CCDC78: variants seen among roughly 807,000 people sequenced by gnomAD.
The protein encoded by CCDC78 is coiled-coil domain-containing protein 78.
Under a neutral mutation model 61.9 loss-of-function variants are expected in CCDC78, and 78 were observed. The ratio of observed to expected loss-of-function variants is 1.26; its 90% CI spans 1.05 to 1.52. The LOEUF is 1.52. CCDC78 is among the 40% of genes most tolerant of loss of function. The pLI, the probability that CCDC78 is intolerant of heterozygous loss-of-function variation, is 0.00. For missense variants in CCDC78, 737 were observed against 615.5 expected (o/e 1.20, Z -2.09); for synonymous variants, 287 against 251.9 (o/e 1.14, Z -1.32).
In CCDC78 at chr16:724,729, C is replaced by T. The variant is rs768081009; in HGVS notation, c.717G>A (p.Leu239=). 3 of 1,612,210 alleles carry T rather than the reference C, an allele frequency of 1.9e-6. No individual in the cohort carries two copies. Among genetic ancestry groups the T allele is most frequent in the South Asian group, 2.2e-5 (2 of 90,972 alleles). Residue 239 remains leucine, a synonymous_variant, in exon 8 of 14, where the codon CTG becomes CTA. Transcript: ENST00000345165. ...GCAGCCGTAGGACGTACTCATCCTT[C>T]AGTTTCTTGAGCTGCAGCTGCAGCC... The part of the protein sequence containing the change: ...NARLQLQLKK[L]KDEYVLRLQH...
Position 726,337 on chromosome 16 carries a change from G to T in CCDC78, c.31C>A (p.Pro11Thr). The T allele has an allele frequency of 6.5e-7, 1 of 1,545,702 alleles. No homozygotes were observed. The highest frequency in any genetic ancestry group is 8.7e-7 in the Non-Finnish European group (1 of 1,146,230). MEHAATTGPR[P>T]GPPSRRVENV... ...TCCACCCGCCGAGAGGGAGGTCCAG[G>T]CCTGGGGCCTGTGGTGGCTGCGTGC... Residue 11 changes from proline (P) to threonine (T), a missense_variant, in exon 1 of 14, where the codon CCT becomes ACT. By Grantham distance (38) the Pro-to-Thr change is conservative. Transcript: ENST00000345165.
intron 13 of CCDC78, 66 bp from the exon 14 acceptor site, chr16:722,855 G>A (rs1596596266): frequency 3.7e-6 from 6 of 1,607,956 alleles, no homozygotes; most frequent in Non-Finnish European, 2.6e-6. Context: ...TAGCGCCTGA[G>A]GCAGCCATCA....
intron 12 of CCDC78, 25 bp downstream of exon 12, chr16:723,070 G>A (rs771595541): frequency 5.0e-6 from 8 of 1,612,686 alleles, no homozygotes; most frequent in Non-Finnish European, 6.8e-6. Flanking sequence ...GTGAGGATGG[G>A]CCTGGGCCAG....
chr16:723,449 A>C, intron 11 of CCDC78: 3 of 687,660 alleles, frequency 4.4e-6, no homozygotes. Context: ...CCACCCCCAC[A>C]CGGGTGTGCC....
Position 724,824 on chromosome 16 carries a change from C to T in CCDC78, c.640-18G>A, listed in dbSNP as rs202215823. 2.5e-6 allele frequency: 4 copies of T among 1,611,454 alleles called. No individual in the cohort carries two copies. In the African/African-American group the frequency reaches 5.3e-5, roughly 21 times the overall value. On this transcript the variant is annotated intron_variant, in intron 7 of 13. Transcript: ENST00000345165. ...CACAGCACCTGGGGTGGAAGCAGCC[C>T]TCCACCTGTGCCCTGAGAGTGGACC...
rs561007719 is a variant in CCDC78 at position 725,073 on chromosome 16, C to T, written c.560+5G>A. On this transcript the variant is annotated splice_donor_5th_base_variant and intron_variant, in intron 6 of 13. Transcript: ENST00000345165. ...GATGGGGCCCCAGGTGAGATGGCCACTCACACACGCGTCACCAGTGCCTGC... is the reference window on the plus strand; with the variant it reads ...GATGGGGCCCCAGGTGAGATGGCCATTCACACACGCGTCACCAGTGCCTGC... 2 of 1,612,722 alleles carry T rather than the reference C, an allele frequency of 1.2e-6. No homozygotes were observed. The highest frequency in any genetic ancestry group is 1.7e-6 in the Non-Finnish European group (2 of 1,179,928).
At position 724,311 on chromosome 16, in the gene CCDC78, GC is replaced by G; in HGVS notation, c.953+10del. 1 of 1,608,392 alleles carries G rather than the reference GC, an allele frequency of 6.2e-7. No homozygotes were observed. Among genetic ancestry groups the G allele is most frequent in the Non-Finnish European group, 8.5e-7 (1 of 1,176,714 alleles). On this transcript the variant is annotated intron_variant, in intron 9 of 13. Coordinates refer to ENST00000345165, the MANE Select transcript of CCDC78 (RefSeq NM_001378030.1). ...CAGATGCCTGACACCTCCCATCCCA[GC>G]GGGGCCCACCTGTAGGCAACCAGTA...
At chr16:725,056 C>A in intron 6 of CCDC78, 22 bp downstream of exon 6, 3 of 1,612,586 alleles carry the variant, frequency 1.9e-6, no homozygotes, top group Non-Finnish European at 1.7e-6. Context: ...AGGATGGGGC[C>A]CCAGGTGAGA....
chr16:722,676 G>T lies in CCDC78; in HGVS notation c.*2C>A. 6.2e-7 allele frequency: 1 copy of T among 1,604,416 alleles called. No individual in the cohort carries two copies. On this transcript the variant is annotated 3_prime_UTR_variant, in exon 14 of 14. Coordinates refer to ENST00000345165, the MANE Select transcript of CCDC78 (RefSeq NM_001378030.1). ...GCTCTGCTCTGCTCCTTGGGAGACGGCCTAGTGGCTGCCGGTCCTTGGATG... is the reference window on the plus strand; with the variant it reads ...GCTCTGCTCTGCTCCTTGGGAGACGTCCTAGTGGCTGCCGGTCCTTGGATG...
chr16:724,635 C>A, intron 8 of CCDC78, 46 bp downstream of exon 8: 1 of 1,593,744 alleles, frequency 6.3e-7, no homozygotes, highest in Non-Finnish European at 8.5e-7. Flanking sequence ...CACACCCAGG[C>A]CAGGCTTGGG....
intron 6 of CCDC78, 33 bp from the exon 7 acceptor site, chr16:725,022 A>G: frequency 1.2e-6 from 2 of 1,612,386 alleles, no homozygotes; most frequent in Non-Finnish European, 1.7e-6. Context: ...CAGCAGGCCC[A>G]CGATCAGGGG....
In CCDC78 at chr16:726,329, A is replaced by T. The variant is rs1157370705; in HGVS notation, c.39T>A (p.Pro13=). Residue 13 remains proline, a synonymous_variant, in exon 1 of 14, where the codon CCT becomes CCA. Coordinates refer to ENST00000345165, the MANE Select transcript of CCDC78 (RefSeq NM_001378030.1). ...HAATTGPRPG[P]PSRRVENVVL... is the part of the protein sequence containing the mutation. ...TCACATTCTCCACCCGCCGAGAGGG[A>T]GGTCCAGGCCTGGGGCCTGTGGTGG... 1 of 1,547,852 alleles carries T rather than the reference A, an allele frequency of 6.5e-7. No individual in the cohort carries two copies. Among genetic ancestry groups the T allele is most frequent in the African/African-American group, 1.4e-5 (1 of 72,822 alleles).
intron 12 of CCDC78, 23 bp from the exon 13 acceptor site, chr16:723,045 G>A: frequency 6.2e-7 from 1 of 1,612,608 alleles, no homozygotes; most frequent in Non-Finnish European, 8.5e-7. Flanking sequence ...TGTAAGCCAT[G>A]AGCTGGGGCA....
Position 725,545 on chromosome 16 carries a change from C to T in CCDC78, c.303G>A (p.Glu101=), listed in dbSNP as rs1391537464. ...LRLESRVLEL[E]LRGDGTSQGC... is the part of the protein sequence containing the mutation. Reference sequence around the variant, plus strand: ...CCTGGCTGGTGCCATCTCCTCGCAGCTCCAGCTCCAGTACCCGGCTCTCCA... The same window carrying T: ...CCTGGCTGGTGCCATCTCCTCGCAGTTCCAGCTCCAGTACCCGGCTCTCCA... The change falls in exon 4 of 14, where the codon GAG becomes GAA. Residue 101 remains glutamate, a synonymous_variant. Transcript: ENST00000345165. 8.1e-6 allele frequency: 13 copies of T among 1,611,270 alleles called. No homozygotes were observed. The highest frequency in any genetic ancestry group is 6.7e-5 in the Admixed American group (4 of 59,936).
chr16:726,577 C>G (rs1193578614), upstream of CCDC78: 8 of 611,102 alleles, frequency 1.3e-5, no homozygotes, highest in Non-Finnish European at 2.2e-5. Flanking sequence ...CTCCGTTTCC[C>G]CATCTGGGGA....
Position 725,001 on chromosome 16 carries a change from G to C in CCDC78, c.561-12C>G. The C allele has an allele frequency of 6.2e-7, 1 of 1,612,292 alleles. No individual in the cohort carries two copies. The highest frequency in any genetic ancestry group is 8.5e-7 in the Non-Finnish European group (1 of 1,179,672). ...GGCCCAGGGTTGCCCTGAAGACACG[G>C]GGGTGAGGCTCAGCAGGCCCACGAT... On this transcript the variant is annotated splice_polypyrimidine_tract_variant and intron_variant, in intron 6 of 13. Transcript: ENST00000345165.
intron 11 of CCDC78, chr16:723,561 C>T (rs913478315): frequency 5.9e-6 from 4 of 678,884 alleles, no homozygotes; most frequent in African/African-American, 5.3e-5. Flanking sequence ...GCGCCCTGCT[C>T]CCACCCCTCG....
At chr16:726,602 C>A, upstream of CCDC78, 1 of 591,924 alleles carries the variant, frequency 1.7e-6, no homozygotes, top group Non-Finnish European at 3.0e-6. Flanking sequence ...GGCCCAGCGC[C>A]CCCTGCACAT....
At position 724,785 on chromosome 16, in the gene CCDC78, G is replaced by A. The variant is rs1308375854; in HGVS notation, c.661C>T (p.Gln221Ter). 1.2e-6 allele frequency: 2 copies of A among 1,612,136 alleles called. No individual in the cohort carries two copies. Among genetic ancestry groups the A allele is most frequent in the South Asian group, 1.1e-5 (1 of 90,940 alleles). ...TTTTCAGCCTCTGCCTGACGGAGCT[G>A]GCCTTGGCAGCTGCACAGCACCTGG... Reference protein sequence around the residue: ...QAVVLCSCQGQLRQAEAENAR... With the variant: ...QAVVLCSCQG The change falls in exon 8 of 14, where the codon CAG becomes TAG. Residue 221 changes from glutamine to a stop codon, truncating the protein, a stop_gained. Coordinates refer to ENST00000345165, the MANE Select transcript of CCDC78 (RefSeq NM_001378030.1). LOFTEE classifies it high-confidence loss of function.
Sources: allele counts gnomAD v4.1 joint callset, GRCh38; gene constraint gnomAD v4.1.1; transcripts MANE v1.5; gene names NCBI Gene and HGNC (gene_info 2026-07-23, HGNC 2026-07-21).